The following CAMK1D variants were observed in gnomAD, a reference collection of about 807,000 sequenced individuals.
CAMK1D encodes the protein calcium/calmodulin-dependent protein kinase type 1D.
A neutral mutation model predicts 47.7 loss-of-function variants in CAMK1D; 9 were observed. That is an observed-to-expected ratio of 0.19 (90% CI 0.11 to 0.33). CAMK1D has a LOEUF of 0.33. Ranked by LOEUF, CAMK1D falls within the 10% of genes least tolerant of loss-of-function variation. The pLI is 1.00. For missense variants in CAMK1D, 291 were observed against 488.7 expected, an observed-to-expected ratio of 0.60 and a Z score of 3.81; for synonymous variants, 184 against 184.9, an observed-to-expected ratio of 0.99 and a Z score of 0.04.
intron 3 of CAMK1D, among the ~76,000 whole-genome samples, chr10:12,742,712 G>C (rs945968739): frequency 6.6e-6 from 1 of 152,154 alleles, no homozygotes; most frequent in African/African-American, 2.4e-5. Context: ...AGTTATTTGA[G>C]ATCACATCAT....
intron 1 of CAMK1D, among the ~76,000 whole-genome samples, chr10:12,408,254 C>T (rs1372147894): frequency 4.6e-5 from 7 of 152,018 alleles, no homozygotes; most frequent in African/African-American, 1.2e-4. Flanking sequence ...CTCCGCCTCC[C>T]GGGCTCACGC....
intron 2 of CAMK1D, among the ~76,000 whole-genome samples, chr10:12,619,905 T>C (rs1431955329): frequency 6.6e-6 from 1 of 152,086 alleles, no homozygotes; most frequent in Non-Finnish European, 1.5e-5. Flanking sequence ...ATTTCTATGG[T>C]TTTGTCATTT....
intron 1 of CAMK1D, among the ~76,000 whole-genome samples, chr10:12,393,458 T>C (rs917362387): frequency 6.6e-6 from 1 of 152,224 alleles, no homozygotes; most frequent in African/African-American, 2.4e-5. Context: ...GTGAAAAGAA[T>C]GGAAAACACG....
chr10:12,361,462 G>A (rs1481959305), intron 1 of CAMK1D, among the ~76,000 whole-genome samples: 1 of 150,912 alleles, frequency 6.6e-6, no homozygotes, highest in South Asian at 2.1e-4. Flanking sequence ...GGCCAGGATG[G>A]TCTCGATCTC....
intron 1 of CAMK1D, among the ~76,000 whole-genome samples, chr10:12,541,671 T>C (rs1310767422): frequency 6.6e-6 from 1 of 152,172 alleles, no homozygotes; most frequent in Non-Finnish European, 1.5e-5. Flanking sequence ...ACTTCACTAC[T>C]GTTATGGTCC....
In CAMK1D at chr10:12,828,855, A is replaced by T; in HGVS notation, c.1126A>T (p.Thr376Ser). The T allele has an allele frequency of 6.2e-7, 1 of 1,613,384 alleles. No homozygotes were observed. The highest frequency in any genetic ancestry group is 8.5e-7 in the Non-Finnish European group (1 of 1,179,824). ...AGCCGAGCGGAGACCCAGGCCCACCACTGTGACGGCAGTGCACTCTGGAAG... is the reference window on the plus strand; with the variant it reads ...AGCCGAGCGGAGACCCAGGCCCACCTCTGTGACGGCAGTGCACTCTGGAAG... ...VGAERRPRPTTVTAVHSGSK is the reference protein window; with the variant it reads ...VGAERRPRPTSVTAVHSGSK Residue 376 changes from threonine to serine, a missense_variant, in exon 11 of 11, where the codon ACT becomes TCT. Transcript: ENST00000619168.
chr10:12,646,667 G>A (rs940362362), intron 2 of CAMK1D, among the ~76,000 whole-genome samples: 1 of 151,956 alleles, frequency 6.6e-6, no homozygotes, highest in African/African-American at 2.4e-5. Flanking sequence ...TGATTAGCCT[G>A]GTATCCTGCA....
intron 1 of CAMK1D, among the ~76,000 whole-genome samples, chr10:12,489,896 C>T (rs896999571): frequency 6.6e-6 from 1 of 152,124 alleles, no homozygotes. Context: ...CCAGACGCCC[C>T]GACACCTCCG....
At chr10:12,692,209 A>C (rs1832956590) in intron 3 of CAMK1D, among the ~76,000 whole-genome samples, 1 of 152,228 alleles carries the variant, frequency 6.6e-6, no homozygotes, top group Non-Finnish European at 1.5e-5. Context: ...CTGCAAAATT[A>C]GCCTATTGAA....
chr10:12,828,778 C>A lies in CAMK1D; in HGVS notation c.1049C>A (p.Pro350His). The stretch of plus-strand genomic sequence containing the variant: ...CTGCTGTTCCCTGCAGGTCTGGCAC[C>A]TTCCACGCTCTGTAGTTTCATTTCT... ...SLASQKDCLAPSTLCSFISSS... is the reference protein window; with the variant it reads ...SLASQKDCLAHSTLCSFISSS... Residue 350 changes from proline (P) to histidine (H), a missense_variant, in exon 11 of 11, where the codon CCT (proline) becomes CAT (histidine). Physicochemically the swap from Pro to His is moderately conservative, Grantham distance 77. This residue lies in a region of CAMK1D where 72 missense variants were observed against 64.4 expected (regional missense o/e 1.12). Transcript: ENST00000619168. The A allele has an allele frequency of 6.2e-7, 1 of 1,613,680 alleles. No individual in the cohort carries two copies. The highest frequency in any genetic ancestry group is 8.5e-7 in the Non-Finnish European group (1 of 1,179,738).
intron 1 of CAMK1D, among the ~76,000 whole-genome samples, chr10:12,368,684 TGG>T (rs1837918245): frequency 6.7e-6 from 1 of 150,168 alleles, no homozygotes; most frequent in African/African-American, 2.5e-5. Context: ...CCTAGCACTT[TGG>T]GAGGCCCAAA....
At chr10:12,522,646 C>G (rs552892822) in intron 1 of CAMK1D, among the ~76,000 whole-genome samples, 1 of 151,952 alleles carries the variant, frequency 6.6e-6, no homozygotes, top group South Asian at 2.1e-4. Context: ...TTTTCCCCAC[C>G]TTTCCCCCTT....
chr10:12,583,601 T>TTTTA (rs1446800628), intron 2 of CAMK1D, among the ~76,000 whole-genome samples: 1 of 134,894 alleles, frequency 7.4e-6, no homozygotes, highest in African/African-American at 2.9e-5. Context: ...GTTGTTGTTG[T>TTTTA]TTTATTTTTT....
chr10:12,827,624 TCTCTCCTCTCTCCC>T (rs1429497212), intron 10 of CAMK1D, among the ~76,000 whole-genome samples: 2 of 55,314 alleles, frequency 3.6e-5, no homozygotes, highest in African/African-American at 1.2e-4. Flanking sequence ...TCCTCTCTCC[TCTCTCCTCTCTCCC>T]CTCTCCCCTC....
At chr10:12,764,098 T>C (rs1836630271) in intron 4 of CAMK1D, among the ~76,000 whole-genome samples, 1 of 152,134 alleles carries the variant, frequency 6.6e-6, no homozygotes, top group African/African-American at 2.4e-5. Context: ...AAGTATTGAT[T>C]GGCTGGGCGC....
intron 1 of CAMK1D, among the ~76,000 whole-genome samples, chr10:12,350,556 C>T (rs544850463): frequency 8.2e-6 from 1 of 121,852 alleles, no homozygotes; most frequent in South Asian, 2.5e-4. Context: ...CTGTGCGCGT[C>T]GCTGCGCGGG....
intron 1 of CAMK1D, among the ~76,000 whole-genome samples, chr10:12,470,756 A>G (rs1042969598): frequency 2.0e-5 from 3 of 152,042 alleles, no homozygotes; most frequent in African/African-American, 7.2e-5. Context: ...GCCTCAAGGG[A>G]TACACCCACC....
intron 6 of CAMK1D, among the ~76,000 whole-genome samples, chr10:12,813,817 G>A (rs991554773): frequency 6.6e-6 from 1 of 151,888 alleles, no homozygotes; most frequent in Non-Finnish European, 1.5e-5. Flanking sequence ...CTAGAGTGCA[G>A]TGATGCGATC....
At position 12,349,927 on chromosome 10, in the gene CAMK1D, G is replaced by A. The variant is rs762738491; in HGVS notation, c.92+17G>A. The A allele has an allele frequency of 6.7e-7, 1 of 1,503,340 alleles. No homozygotes were observed. The highest frequency in any genetic ancestry group is 1.2e-5 in the South Asian group (1 of 84,724). 93.1% of individuals were successfully genotyped at this position (1,503,340 alleles called of 1,614,324 possible). A position where few individuals can be genotyped will look rare whatever the true frequency, so the allele number is the denominator to read the frequency against. On this transcript the variant is annotated intron_variant, in intron 1 of 10. Coordinates refer to ENST00000619168, the MANE Select transcript of CAMK1D (RefSeq NM_153498.4). ...CCTCGGAACGTAAGTGGGGACCGGG[G>A]AGGCGAGGGTGGAGGTGGCCGCGGC... is the stretch of plus-strand genomic sequence containing the variant.
Sources: gnomAD v4.1 joint callset for allele counts (sites outside exome capture counted in the v4.1 genomes callset) on GRCh38, gnomAD v4.1.1 for gene constraint, gnomAD v4.1.1 regional missense constraint, MANE v1.5 for transcripts, NCBI Gene and HGNC (gene_info 2026-07-23, HGNC 2026-07-21) for gene names.